The following PEBP4 variants were observed in gnomAD, a reference collection of about 807,000 sequenced individuals.
PEBP4 encodes phosphatidylethanolamine-binding protein 4.
In PEBP4, 22 loss-of-function variants were observed where a neutral mutation model predicts 23.9. That is an observed-to-expected ratio of 0.92 (90% CI 0.66 to 1.31). The LOEUF (loss-of-function observed/expected upper bound fraction) is 1.31. Ranked by LOEUF, PEBP4 falls within the 40% of genes most tolerant of loss-of-function variation. The pLI is 0.00. For synonymous variants in PEBP4, 112 were observed against 99.3 expected, an observed-to-expected ratio of 1.13 and a Z score of -0.76; for missense variants, 324 against 281.7, an observed-to-expected ratio of 1.15 and a Z score of -1.07.
At chr8:22,938,231 T>C (rs944363395) in intron 1 of PEBP4, among the ~76,000 whole-genome samples, 2 of 152,210 alleles carry the variant, frequency 1.3e-5, no homozygotes, top group African/African-American at 4.8e-5. Context: ...TCCTCTTCAC[T>C]GTGTAGACCT....
At chr8:22,739,654 T>C (rs1804946947) in intron 4 of PEBP4, among the ~76,000 whole-genome samples, 2 of 152,132 alleles carry the variant, frequency 1.3e-5, no homozygotes, top group African/African-American at 4.8e-5. Flanking sequence ...CTGTGACTGC[T>C]GACTGATGCC....
chr8:22,765,246 C>T (rs1423571037), intron 4 of PEBP4, among the ~76,000 whole-genome samples: 2 of 151,990 alleles, frequency 1.3e-5, no homozygotes, highest in Admixed American at 6.5e-5. Flanking sequence ...CATGTTCAAG[C>T]GATTCTCCTG....
At chr8:22,842,873 G>A (rs972767162) in intron 3 of PEBP4, among the ~76,000 whole-genome samples, 1 of 152,168 alleles carries the variant, frequency 6.6e-6, no homozygotes, top group African/African-American at 2.4e-5. Flanking sequence ...TGTTGCCCAG[G>A]CTGGAGTGCA....
upstream of PEBP4, among the ~76,000 whole-genome samples, chr8:22,932,541 A>ACC (rs576162508): frequency 7.9e-5 from 12 of 151,814 alleles, no homozygotes; most frequent in South Asian, 2.3e-3. Context: ...ACACACACAC[A>ACC]CCCCCAGAGA....
chr8:22,783,097 G>C (rs1048594629), intron 4 of PEBP4, among the ~76,000 whole-genome samples: 9 of 152,214 alleles, frequency 5.9e-5, no homozygotes, highest in African/African-American at 1.9e-4. Context: ...CTGAGGTTTG[G>C]GTAGGGGTAC....
chr8:22,737,048 CTT>C (rs1804877902), intron 4 of PEBP4, among the ~76,000 whole-genome samples: 2 of 152,140 alleles, frequency 1.3e-5, no homozygotes, highest in African/African-American at 4.8e-5. Context: ...AATTGCAGCA[CTT>C]TGGGAGGCCG....
At chr8:22,859,816 C>T (rs1462352345) in intron 3 of PEBP4, among the ~76,000 whole-genome samples, 2 of 152,076 alleles carry the variant, frequency 1.3e-5, no homozygotes, top group Admixed American at 1.3e-4. Context: ...GCCTCTCTAT[C>T]TTGCCTTACA....
At chr8:22,917,155 A>C (rs2466213) in intron 3 of PEBP4, among the ~76,000 whole-genome samples, 71,888 of 149,238 alleles carry the variant, frequency 0.48, 17,975 homozygotes, top group African/African-American at 0.61. Context: ...GGCATGTCCA[A>C]TGGCAGTCAC....
chr8:22,932,865 C>T (rs1189196327), upstream of PEBP4, among the ~76,000 whole-genome samples: 7 of 152,016 alleles, frequency 4.6e-5, no homozygotes, highest in African/African-American at 1.4e-4. Context: ...ATTAGCCAGG[C>T]ATGGTGACAG....
At chr8:22,770,479 G>T (rs143629749) in intron 4 of PEBP4, among the ~76,000 whole-genome samples, 2,533 of 152,302 alleles carry the variant, frequency 0.017, 33 homozygotes, top group South Asian at 0.087. Context: ...CTCCCACTGC[G>T]CATCCTTGGA....
At chr8:22,777,154 G>C (rs2128754723) in intron 4 of PEBP4, among the ~76,000 whole-genome samples, 1 of 152,088 alleles carries the variant, frequency 6.6e-6, no homozygotes, top group East Asian at 1.9e-4. Flanking sequence ...CATGAGGGAG[G>C]GAGGGTGCTG....
At chr8:22,867,680 A>G (rs1436514507) in intron 3 of PEBP4, among the ~76,000 whole-genome samples, 2 of 152,182 alleles carry the variant, frequency 1.3e-5, no homozygotes, top group Non-Finnish European at 2.9e-5. Flanking sequence ...CATTCAGTGC[A>G]CAGAATGCAG....
Position 22,861,724 on chromosome 8 carries a change from G to C in PEBP4, c.259-43989C>G, listed in dbSNP as rs564605205. ...CCATCTGGATTCTGAATTTCCTTAG[G>C]TCCAAAGGATGTCAACTTGATTAAA... is the stretch of plus-strand genomic sequence containing the variant. On this transcript the variant is annotated intron_variant, in intron 3 of 6. Transcript: ENST00000256404. Among the ~76,000 whole-genome samples, 5 of 152,318 alleles carry C rather than the reference G, an allele frequency of 3.3e-5. No individual in the cohort carries two copies. In the South Asian group the frequency reaches 1.0e-3, roughly 32 times the overall value.
chr8:22,734,433 G>A (rs1465728989), intron 4 of PEBP4, among the ~76,000 whole-genome samples: 1 of 152,202 alleles, frequency 6.6e-6, no homozygotes, highest in Non-Finnish European at 1.5e-5. Flanking sequence ...ACTCCAGGGT[G>A]TAGGATGGCC....
At chr8:22,773,632 C>A (rs1388894429) in intron 4 of PEBP4, among the ~76,000 whole-genome samples, 1 of 152,164 alleles carries the variant, frequency 6.6e-6, no homozygotes, top group East Asian at 1.9e-4. Context: ...CTTCCTGGCC[C>A]CTGAGAGGGT....
At chr8:22,874,716 A>G (rs1808085029) in intron 3 of PEBP4, among the ~76,000 whole-genome samples, 3 of 152,190 alleles carry the variant, frequency 2.0e-5, no homozygotes, top group African/African-American at 7.2e-5. Context: ...TCTTATGTAT[A>G]ACAGCTTTTC....
At chr8:22,765,885 C>G (rs1805603939) in intron 4 of PEBP4, among the ~76,000 whole-genome samples, 1 of 146,596 alleles carries the variant, frequency 6.8e-6, no homozygotes, top group Non-Finnish European at 1.5e-5. Context: ...TGGATCACCA[C>G]CTGTGGATCA....
chr8:22,812,896 T>G (rs1806660716), intron 4 of PEBP4, among the ~76,000 whole-genome samples: 1 of 152,300 alleles, frequency 6.6e-6, no homozygotes, highest in Middle Eastern at 3.4e-3. Flanking sequence ...TAATTTCCTT[T>G]TTCCTTGTCT....
chr8:22,805,896 GAAT>G (rs1563222051), intron 4 of PEBP4, among the ~76,000 whole-genome samples: 5 of 152,100 alleles, frequency 3.3e-5, no homozygotes, highest in Non-Finnish European at 5.9e-5. Flanking sequence ...ATGAATGAAT[GAAT>G]GAATGAATGA....
Sources: allele counts gnomAD v4.1 joint callset (sites outside exome capture counted in the v4.1 genomes callset), GRCh38; gene constraint gnomAD v4.1.1; transcripts MANE v1.5; gene names NCBI Gene and HGNC (gene_info 2026-07-23, HGNC 2026-07-21).